Variants in DHTKD1 observed in about 807,000 individuals in gnomAD.
The protein encoded by DHTKD1 is 2-oxoadipate dehydrogenase complex component E1.
DHTKD1 carries 78 observed loss-of-function variants against 101.8 expected under a neutral mutation model. The ratio of observed to expected loss-of-function variants is 0.77; its 90% CI spans 0.64 to 0.93. DHTKD1 has a LOEUF of 0.93. Among genes scored for constraint, DHTKD1 ranks in the 40% least tolerant of loss-of-function variants. The pLI is 0.00. For synonymous variants in DHTKD1, 462 were observed against 450.3 expected, an observed-to-expected ratio of 1.03 and a Z score of -0.33; for missense variants, 1,223 against 1,161.7, an observed-to-expected ratio of 1.05 and a Z score of -0.77.
chr10:12,094,202 A>G lies in DHTKD1; in HGVS notation c.1289A>G (p.Tyr430Cys), dbSNP rs768618938. ...GATGTGATTATTGATCTGTTGTGCT[A>G]CAGGCAGTGGGGCCACAATGAGCTG... ...RKDVIIDLLCYRQWGHNELDE... is the reference protein window; with the variant it reads ...RKDVIIDLLCCRQWGHNELDE... The change falls in exon 7 of 17, where the codon TAC (tyrosine) becomes TGC (cysteine). Residue 430 changes from tyrosine to cysteine, a missense_variant. By Grantham distance (194) the Tyr-to-Cys change is radical. Transcript: ENST00000263035. 7 of 1,614,226 alleles carry G rather than the reference A, an allele frequency of 4.3e-6. No individual in the cohort carries two copies. The highest frequency in any genetic ancestry group is 4.2e-6 in the Non-Finnish European group (5 of 1,180,042).
chr10:12,088,725 A>G (rs1010386076), intron 4 of DHTKD1, among the ~76,000 whole-genome samples: 4 of 151,912 alleles, frequency 2.6e-5, no homozygotes, highest in African/African-American at 4.8e-5. Context: ...CTGGGATTAC[A>G]GGTACCTGCC....
Position 12,094,044 on chromosome 10 carries a change from C to T in DHTKD1, c.1160-29C>T, listed in dbSNP as rs1463250138. The T allele has an allele frequency of 7.5e-6, 12 of 1,594,024 alleles. No individual in the cohort carries two copies. In the Admixed American group the frequency reaches 1.7e-4, roughly 22 times the overall value. ...CCAGTGTCATTCTGGGTTAACTGTCCTGTTTCGGCTTGGTCTTCTGTCCTT... is the reference window on the plus strand; with the variant it reads ...CCAGTGTCATTCTGGGTTAACTGTCTTGTTTCGGCTTGGTCTTCTGTCCTT... On this transcript the variant is annotated intron_variant, in intron 6 of 16. Transcript: ENST00000263035.
intron 7 of DHTKD1, among the ~76,000 whole-genome samples, chr10:12,096,708 A>G (rs1160142230): frequency 1.3e-5 from 2 of 152,230 alleles, no homozygotes; most frequent in Non-Finnish European, 2.9e-5. Context: ...AGGATTAAAT[A>G]TGATAATATA....
intron 1 of DHTKD1, among the ~76,000 whole-genome samples, chr10:12,076,071 T>C (rs186519523): frequency 6.6e-6 from 1 of 152,214 alleles, no homozygotes; most frequent in African/African-American, 2.4e-5. Context: ...CTGATTCTTA[T>C]AAGCACAAAG....
At chr10:12,100,380 C>T (rs1235845045) in intron 9 of DHTKD1, 118 bp downstream of exon 9, 8 of 535,208 alleles carry the variant, frequency 1.5e-5, no homozygotes, top group South Asian at 9.2e-5. Flanking sequence ...CAGGTTCAAG[C>T]GATTCTCCTG....
At chr10:12,100,929 T>C in intron 9 of DHTKD1, 113 bp from the exon 10 acceptor site, 1 of 1,076,588 alleles carries the variant, frequency 9.3e-7, no homozygotes, top group South Asian at 1.5e-5. Context: ...TAACTATCTG[T>C]TATCCTAAGG....
chr10:12,094,648 CTTTAAGAG>C (rs1833042158), intron 7 of DHTKD1, among the ~76,000 whole-genome samples: 1 of 149,968 alleles, frequency 6.7e-6, no homozygotes, highest in Non-Finnish European at 1.5e-5. Flanking sequence ...GGACATGAAA[CTTTAAGAG>C]CTAAAGCTGA....
At chr10:12,099,630 A>G (rs1260619984) in intron 8 of DHTKD1, among the ~76,000 whole-genome samples, 1 of 151,932 alleles carries the variant, frequency 6.6e-6, no homozygotes, top group South Asian at 2.1e-4. Context: ...TGAGGTTGCA[A>G]TCAGCCAAGA....
At chr10:12,078,000 A>G (rs561632941) in intron 1 of DHTKD1, among the ~76,000 whole-genome samples, 5 of 151,634 alleles carry the variant, frequency 3.3e-5, no homozygotes, top group Admixed American at 1.3e-4. Flanking sequence ...ATGAGAGAGG[A>G]CTTCCTCTTT....
In DHTKD1 at chr10:12,112,846, GA is replaced by G; in HGVS notation, c.2155-53del. 9 of 1,516,998 alleles carry G rather than the reference GA, an allele frequency of 5.9e-6. No individual in the cohort carries two copies. The South Asian group carries it at 1.2e-4, about 20-fold the overall frequency. 94.0% of individuals were successfully genotyped at this position (1,516,998 alleles called of 1,614,324 possible). A position where few individuals can be genotyped will look rare whatever the true frequency, so the allele number is the denominator to read the frequency against. ...CCTTTGGCCAGCCCATTGTCACTACGACTGAAATAGATGATCTGAACATTCT... is the reference window on the plus strand; with the variant it reads ...CCTTTGGCCAGCCCATTGTCACTACGCTGAAATAGATGATCTGAACATTCT... On this transcript the variant is annotated intron_variant, in intron 12 of 16. Coordinates refer to ENST00000263035, the MANE Select transcript of DHTKD1 (RefSeq NM_018706.7).
chr10:12,070,221 C>T (rs1477758585), intron 1 of DHTKD1, among the ~76,000 whole-genome samples: 1 of 152,102 alleles, frequency 6.6e-6, no homozygotes. Context: ...GTTGCATGCT[C>T]ATTTGCGAGA....
intron 1 of DHTKD1, among the ~76,000 whole-genome samples, chr10:12,079,799 G>A (rs1333967017): frequency 6.6e-6 from 1 of 152,198 alleles, no homozygotes; most frequent in Non-Finnish European, 1.5e-5. Flanking sequence ...CTTGAATAAG[G>A]TTCAAAATAG....
At position 12,094,281 on chromosome 10, in the gene DHTKD1, T is replaced by A; in HGVS notation, c.1358+10T>A. The A allele has an allele frequency of 6.2e-7, 1 of 1,612,104 alleles. No homozygotes were observed. The highest frequency in any genetic ancestry group is 1.3e-5 in the African/African-American group (1 of 75,012). On this transcript the variant is annotated intron_variant, in intron 7 of 16. Coordinates refer to ENST00000263035, the MANE Select transcript of DHTKD1 (RefSeq NM_018706.7). ...TGTACAAAATCATCAGGTACAATTA[T>A]AAACCCTTGTGTGATATGCCCCCTA...
chr10:12,089,702 A>G (rs11257530), intron 5 of DHTKD1, among the ~76,000 whole-genome samples: 73,764 of 151,206 alleles, frequency 0.49, 19,737 homozygotes, highest in South Asian at 0.72. Flanking sequence ...ACCGAGTCTC[A>G]CTCTGTCACT....
chr10:12,082,860 G>A (rs1336746044), intron 2 of DHTKD1, among the ~76,000 whole-genome samples: 2 of 152,058 alleles, frequency 1.3e-5, no homozygotes, highest in African/African-American at 4.8e-5. Context: ...GAGTTGGCCG[G>A]GTGCGGTGGC....
At chr10:12,069,790 C>T (rs7090827) in intron 1 of DHTKD1, among the ~76,000 whole-genome samples, 30,757 of 149,456 alleles carry the variant, frequency 0.21, 4,098 homozygotes, top group Non-Finnish European at 0.3. Context: ...CCTGCAGCCT[C>T]GGCCTCCCAA....
intron 10 of DHTKD1, 93 bp downstream of exon 10, chr10:12,101,274 T>C (rs1833165890): frequency 4.2e-6 from 6 of 1,421,830 alleles, no homozygotes; most frequent in Non-Finnish European, 5.7e-6. Context: ...CTGGCAACTT[T>C]GGGTTCAGTA....
chr10:12,076,116 A>G (rs1455907248), intron 1 of DHTKD1, among the ~76,000 whole-genome samples: 1 of 152,216 alleles, frequency 6.6e-6, no homozygotes, highest in Non-Finnish European at 1.5e-5. Flanking sequence ...TATGCTAGAG[A>G]GAAGCCACAA....
chr10:12,085,316 A>T (rs922602576), intron 3 of DHTKD1, among the ~76,000 whole-genome samples: 10 of 152,130 alleles, frequency 6.6e-5, no homozygotes, highest in African/African-American at 2.4e-4. Flanking sequence ...TCTCAAAAAA[A>T]AAAGATATAT....
Sources: allele counts gnomAD v4.1 joint callset (sites outside exome capture counted in the v4.1 genomes callset), GRCh38; gene constraint gnomAD v4.1.1; transcripts MANE v1.5; gene names NCBI Gene and HGNC (gene_info 2026-07-23, HGNC 2026-07-21).